The following ADCK2 variants were observed in gnomAD, a reference collection of about 807,000 sequenced individuals.
ADCK2 encodes uncharacterized aarF domain-containing protein kinase 2.
In ADCK2, 37 loss-of-function variants were observed where a neutral mutation model predicts 52.3. The ratio of observed to expected loss-of-function variants is 0.71; its 90% confidence interval spans 0.54 to 0.93. The LOEUF (loss-of-function observed/expected upper bound fraction) is 0.93, where lower values mean the gene tolerates loss of function less well. ADCK2 is among the 40% of genes least tolerant of loss of function. The probability of loss-of-function intolerance (pLI) is 0.00; values close to 1 mark genes in which losing one functional copy is unlikely to be tolerated. For missense variants in ADCK2, 695 were observed against 798.7 expected (o/e 0.87, Z 1.56); for synonymous variants, 321 against 349.2 (o/e 0.92, Z 0.90).
chr7:140,673,651 G>A lies in ADCK2; in HGVS notation c.321G>A (p.Leu107=). The A allele has an allele frequency of 6.2e-7, 1 of 1,610,588 alleles. No individual in the cohort carries two copies. Among genetic ancestry groups the A allele is most frequent in the Non-Finnish European group, 8.5e-7 (1 of 1,179,920 alleles). Residue 107 remains leucine (L), a synonymous_variant, in exon 1 of 8, where the codon TTG becomes TTA. Coordinates refer to ENST00000072869, the MANE Select transcript of ADCK2 (RefSeq NM_052853.4). The surrounding 1 kb of genome is among the most constrained non-coding windows in gnomAD (Gnocchi z 6.4). The part of the protein sequence containing the change: ...LRLWLRAGAL[L]VKFFPLLLLY... ...TCTGGCTTCGCGCCGGCGCTCTGTT[G>A]GTGAAATTCTTCCCCCTCCTACTCC... is the stretch of plus-strand genomic sequence containing the variant.
At chr7:140,679,331 A>C (rs772474256) in intron 3 of ADCK2, 48 bp downstream of exon 3, 12 of 1,607,174 alleles carry the variant, frequency 7.5e-6, no homozygotes, top group Non-Finnish European at 1.0e-5. Flanking sequence ...TGCCACTCGC[A>C]GTGGGCCCGT....
chr7:140,674,149 A>G lies in ADCK2; in HGVS notation c.819A>G (p.Leu273=). 2.5e-6 allele frequency: 4 copies of G among 1,614,062 alleles called. No individual in the cohort carries two copies. Among genetic ancestry groups the G allele is most frequent in the Non-Finnish European group, 3.4e-6 (4 of 1,180,020 alleles). Residue 273 remains leucine (L), a synonymous_variant, in exon 1 of 8, where the codon CTA becomes CTG. Transcript: ENST00000072869. The surrounding 1 kb of genome is among the most constrained non-coding windows in gnomAD (Gnocchi z 4.6). The part of the protein sequence containing the change: ...PPENLADQSF[L]ERLLLPKADL... ...AAAATCTCGCAGACCAGTCGTTTCT[A>G]GAAAGGCTGCTCCTCCCTAAAGCTG...
intron 4 of ADCK2, among the ~76,000 whole-genome samples, chr7:140,683,819 G>T (rs1444697838): frequency 1.3e-5 from 2 of 152,178 alleles, no homozygotes; most frequent in African/African-American, 4.8e-5. Context: ...AGAGTGCAGG[G>T]ACAGCCGTCC....
intron 4 of ADCK2, among the ~76,000 whole-genome samples, chr7:140,685,116 T>C (rs868181429): frequency 1.3e-5 from 2 of 152,006 alleles, no homozygotes; most frequent in Middle Eastern, 3.4e-3. Context: ...CAACATTCAA[T>C]AAAGTGCATA....
intron 4 of ADCK2, among the ~76,000 whole-genome samples, chr7:140,685,728 C>G (rs1374106840): frequency 6.6e-6 from 1 of 152,114 alleles, no homozygotes; most frequent in Non-Finnish European, 1.5e-5. Context: ...GTGCTTGGGG[C>G]CCCATGTCAG....
At position 140,694,683 on chromosome 7, in the gene ADCK2, T is replaced by C. The variant is rs1288276327; in HGVS notation, c.1761T>C (p.Phe587=). ...TCCAGGTAAAGCTTGAGAGCAACTT[T>C]GCCTCCATTGTGTTTGCCATCATGG... is the stretch of plus-strand genomic sequence containing the variant. ...MTHKVKLESN[F]ASIVFAIMVL... is the part of the protein sequence containing the mutation. Residue 587 remains phenylalanine (F), a synonymous_variant, in exon 8 of 8, where the codon TTT becomes TTC. Transcript: ENST00000072869. The C allele has an allele frequency of 6.2e-7, 1 of 1,614,070 alleles. No homozygotes were observed. The highest frequency in any genetic ancestry group is 1.3e-5 in the African/African-American group (1 of 75,064).
chr7:140,683,634 G>A (rs1794554513), intron 4 of ADCK2, among the ~76,000 whole-genome samples: 1 of 152,206 alleles, frequency 6.6e-6, no homozygotes, highest in Non-Finnish European at 1.5e-5. Flanking sequence ...GAGGGGCCTG[G>A]CCGCATCAGG....
chr7:140,680,150 A>T (rs74375974), intron 3 of ADCK2, among the ~76,000 whole-genome samples: 1 of 141,594 alleles, frequency 7.1e-6, no homozygotes, highest in Non-Finnish European at 1.6e-5. Flanking sequence ...TGTTTTGACA[A>T]TTTTTTTTTT....
In ADCK2 at chr7:140,695,016, C is replaced by T; in HGVS notation, c.*213C>T. 7.7e-7 allele frequency: 1 copy of T among 1,292,268 alleles called. No individual in the cohort carries two copies. Among genetic ancestry groups the T allele is most frequent in the Non-Finnish European group, 9.8e-7 (1 of 1,022,200 alleles). 80.1% of individuals were successfully genotyped at this position (1,292,268 alleles called of 1,614,324 possible). On this transcript the variant is annotated 3_prime_UTR_variant, in exon 8 of 8. Transcript: ENST00000072869. ...GAGTAAAAGGAGGGAAGGGGCCTAT[C>T]CATTCCATTGTGGAAGCTGGGCCAG...
At chr7:140,681,188 G>A (rs757686014) in intron 4 of ADCK2, 51 bp downstream of exon 4, 3 of 1,562,618 alleles carry the variant, frequency 1.9e-6, no homozygotes, top group South Asian at 1.1e-5. Flanking sequence ...TCAGCTTGCA[G>A]ATGGGGAGTG....
intron 5 of ADCK2, among the ~76,000 whole-genome samples, chr7:140,688,205 G>C (rs781762496): frequency 6.6e-6 from 1 of 152,114 alleles, no homozygotes; most frequent in South Asian, 2.1e-4. Context: ...CACCATGCCC[G>C]GCCACTTTTT....
intron 4 of ADCK2, among the ~76,000 whole-genome samples, chr7:140,685,277 C>T (rs959072163): frequency 3.3e-5 from 5 of 151,956 alleles, no homozygotes; most frequent in East Asian, 3.9e-4. Context: ...GGTGAAACCC[C>T]GTCTCTACTA....
rs1385359263 is a variant in ADCK2, at chr7:140,673,325, G to C, written c.-6G>C. ...GCGGGCCGCCTGGGCCGCGGGCCTC[G>C]GGAGGATGGTGGCGCCCTGGCGCGT... is the stretch of plus-strand genomic sequence containing the variant. On this transcript the variant is annotated 5_prime_UTR_variant, in exon 1 of 8. Transcript: ENST00000072869. This position sits in a 1 kb window ranked among gnomAD's most constrained non-coding sequence, Gnocchi z 6.4. 3.5e-6 allele frequency: 5 copies of C among 1,437,776 alleles called. No homozygotes were observed. The highest frequency in any genetic ancestry group is 4.6e-6 in the Non-Finnish European group (5 of 1,094,434). 89.1% of individuals were successfully genotyped at this position (1,437,776 alleles called of 1,614,324 possible).
At chr7:140,690,906 T>C in intron 7 of ADCK2, 93 bp downstream of exon 7, 4 of 1,160,732 alleles carry the variant, frequency 3.4e-6, no homozygotes, top group Non-Finnish European at 5.0e-6. Context: ...GCTTCTATTA[T>C]ATGGTTCTTG....
rs754974969 is a variant in ADCK2, at chr7:140,687,161, G to C, written c.1477G>C (p.Asp493His). ...SLCPLRLVLL[D>H]AGIVAELQAP... Reference sequence around the variant, plus strand: ...CTGCCCGCTGCGACTGGTGCTGCTGGATGCTGGCATTGTGGCGGAGCTGCA... The same window carrying C: ...CTGCCCGCTGCGACTGGTGCTGCTGCATGCTGGCATTGTGGCGGAGCTGCA... The change falls in exon 5 of 8, where the codon GAT (aspartate) becomes CAT (histidine). Residue 493 changes from aspartate to histidine, a missense_variant. Transcript: ENST00000072869. 1 of 1,610,178 alleles carries C rather than the reference G, an allele frequency of 6.2e-7. No homozygotes were observed. Among genetic ancestry groups the C allele is most frequent in the Non-Finnish European group, 8.5e-7 (1 of 1,178,126 alleles).
At position 140,674,389 on chromosome 7, in the gene ADCK2, T is replaced by C. The variant is rs1390529497; in HGVS notation, c.933+126T>C. 4 of 1,181,796 alleles carry C rather than the reference T, an allele frequency of 3.4e-6. No homozygotes were observed. The East Asian group carries it at 1.0e-4, about 30-fold the overall frequency. 73.2% of individuals were successfully genotyped at this position (1,181,796 alleles called of 1,614,324 possible). ...GACCAATATCTGAGTGCTTATTTCA[T>C]GCAAGCTGTTTCATTTATTGGCTTG... On this transcript the variant is annotated intron_variant, in intron 1 of 7. Coordinates refer to ENST00000072869, the MANE Select transcript of ADCK2 (RefSeq NM_052853.4). The surrounding 1 kb of genome is among the most constrained non-coding windows in gnomAD (Gnocchi z 4.6).
intron 5 of ADCK2, 130 bp from the exon 6 acceptor site, chr7:140,689,467 A>C: frequency 8.7e-7 from 1 of 1,154,336 alleles, no homozygotes; most frequent in Non-Finnish European, 1.2e-6. Context: ...TCACAGCCCG[A>C]GGAGGAAGAG....
At chr7:140,694,324 G>A (rs4727041) in intron 7 of ADCK2, among the ~76,000 whole-genome samples, 17,155 of 152,170 alleles carry the variant, frequency 0.11, 1,131 homozygotes, top group South Asian at 0.19. Context: ...AAAGGTTACT[G>A]TAGGTTTCGA....
chr7:140,681,729 CT>C (rs1194347095), intron 4 of ADCK2, among the ~76,000 whole-genome samples: 4 of 151,888 alleles, frequency 2.6e-5, no homozygotes, highest in African/African-American at 9.7e-5. Context: ...GTGATCCTGC[CT>C]CCTCACTCCT....
Sources: allele counts gnomAD v4.1 joint callset (sites outside exome capture counted in the v4.1 genomes callset), GRCh38; gene constraint gnomAD v4.1.1; non-coding constraint Gnocchi (gnomAD v3.1); transcripts MANE v1.5; gene names NCBI Gene and HGNC (gene_info 2026-07-23, HGNC 2026-07-21).